Variants in NBAS observed in about 807,000 individuals in gnomAD.
NBAS encodes the protein NAG/BC035112 fusion.
Under a neutral mutation model 302.5 loss-of-function variants are expected in NBAS, and 219 were observed. The ratio of observed to expected loss-of-function variants is 0.72; its 90% confidence interval spans 0.65 to 0.81. The LOEUF is 0.81. Ranked by LOEUF, NBAS falls within the 30% of genes least tolerant of loss-of-function variation. NBAS has a pLI of 0.00. For synonymous variants in NBAS, 1,118 were observed against 1,021.6 expected (o/e 1.09, Z -1.80); for missense variants, 2,932 against 2,841.6 (o/e 1.03, Z -0.72).
At chr2:14,855,824 C>T in the NBAS span, among the ~76,000 whole-genome samples, 2 of 152,164 alleles carry the variant, frequency 1.3e-5, no homozygotes, top group African/African-American at 2.4e-5. Flanking sequence ...CTTCTGGACC[C>T]ACTTAGGGCT....
chr2:14,953,452 G>C, the NBAS span, among the ~76,000 whole-genome samples: 4 of 152,216 alleles, frequency 2.6e-5, no homozygotes, highest in African/African-American at 9.6e-5. Context: ...CTCAGCAGCA[G>C]TCTTCACAAT....
At chr2:15,305,582 G>T (rs905482083) in intron 40 of NBAS, among the ~76,000 whole-genome samples, 8 of 151,542 alleles carry the variant, frequency 5.3e-5, no homozygotes, top group Non-Finnish European at 1.0e-4. Context: ...CTCCCCAGTA[G>T]TTGGGATTAC....
rs770423496 is a variant in NBAS, at chr2:15,379,837, A to T, written c.3361-6T>A. On this transcript the variant is annotated splice_region_variant and splice_polypyrimidine_tract_variant and intron_variant, in intron 29 of 51. Transcript: ENST00000281513. ...AGAAGGCTTTCTGTAAATATCTGGA[A>T]AAAAGGAGAAACTGGAATTAGTTAT... The T allele has an allele frequency of 6.8e-6, 11 of 1,610,658 alleles. No individual in the cohort carries two copies. Among genetic ancestry groups the T allele is most frequent in the Middle Eastern group, 1.7e-4 (1 of 6,058 alleles).
At chr2:14,786,288 A>AT in the NBAS span, among the ~76,000 whole-genome samples, 1 of 151,768 alleles carries the variant, frequency 6.6e-6, no homozygotes. Flanking sequence ...GGATTCATTG[A>AT]TTTTTTGAAG....
At chr2:15,551,063 G>A (rs557869993) in intron 6 of NBAS, among the ~76,000 whole-genome samples, 3 of 152,124 alleles carry the variant, frequency 2.0e-5, no homozygotes, top group Non-Finnish European at 4.4e-5. Context: ...AGGTCTTTTT[G>A]CTCACAATCA....
the NBAS span, among the ~76,000 whole-genome samples, chr2:15,014,926 T>C: frequency 1.3e-5 from 2 of 151,502 alleles, no homozygotes; most frequent in Non-Finnish European, 1.5e-5. Flanking sequence ...ACCCAAATAA[T>C]AAAATCAGAA....
chr2:15,432,501 T>G (rs1050510272), intron 21 of NBAS, among the ~76,000 whole-genome samples: 3 of 152,150 alleles, frequency 2.0e-5, no homozygotes, highest in Non-Finnish European at 4.4e-5. Context: ...CACCAATTAT[T>G]TCTCAAACTA....
chr2:15,011,085 G>A, the NBAS span, among the ~76,000 whole-genome samples: 671 of 152,238 alleles, frequency 4.4e-3, 4 homozygotes, highest in Non-Finnish European at 8.1e-3. Flanking sequence ...GTATTGTGGG[G>A]CCTAAGCATT....
chr2:15,225,191 T>C (rs571638045), intron 47 of NBAS, among the ~76,000 whole-genome samples: 10 of 152,344 alleles, frequency 6.6e-5, no homozygotes, highest in African/African-American at 2.2e-4. Flanking sequence ...TGGAGAACTG[T>C]AGGCATAATT....
chr2:15,256,446 G>A (rs113227632), intron 44 of NBAS, among the ~76,000 whole-genome samples: 4,123 of 152,226 alleles, frequency 0.027, 202 homozygotes, highest in African/African-American at 0.094. Context: ...AAGCTTTTTG[G>A]ATGAGTCGTT....
intron 50 of NBAS, 21 bp from the exon 51 acceptor site, chr2:15,179,137 TGAGCGAGA>T: frequency 6.2e-7 from 1 of 1,613,740 alleles, no homozygotes; most frequent in Non-Finnish European, 8.5e-7. Context: ...AGAGCAGGGG[TGAGCGAGA>T]ACTCCACGAC....
At chr2:15,399,433 T>C (rs1360302524) in intron 26 of NBAS, among the ~76,000 whole-genome samples, 1 of 152,122 alleles carries the variant, frequency 6.6e-6, no homozygotes, top group Non-Finnish European at 1.5e-5. Context: ...GGAACAACAG[T>C]TTGCTACAAA....
intron 49 of NBAS, among the ~76,000 whole-genome samples, chr2:15,187,771 T>G (rs1665157748): frequency 6.6e-6 from 1 of 152,186 alleles, no homozygotes; most frequent in Admixed American, 6.5e-5. Context: ...TTCTAGACAT[T>G]GAACAACCAG....
rs746384730 is a variant in NBAS at position 15,328,283 on chromosome 2, G to C, written c.4377C>G (p.Ile1459Met). Residue 1459 changes from isoleucine (I) to methionine (M), a missense_variant, in exon 37 of 52, where the codon ATC becomes ATG. By Grantham distance (10) the Ile-to-Met change is conservative. Transcript: ENST00000281513. ...QGQKCGGAYQ[I>M]GTTANEDLEK... The stretch of plus-strand genomic sequence containing the variant: ...CTAGATCTTCATTGGCTGTAGTTCC[G>C]ATTTGATATGCACCACCACATTTTT... 1 of 1,613,786 alleles carries C rather than the reference G, an allele frequency of 6.2e-7. No individual in the cohort carries two copies. The highest frequency in any genetic ancestry group is 1.7e-5 in the Admixed American group (1 of 59,988).
At chr2:15,013,614 C>T in the NBAS span, among the ~76,000 whole-genome samples, 1 of 151,918 alleles carries the variant, frequency 6.6e-6, no homozygotes, top group Non-Finnish European at 1.5e-5. Context: ...TGGACCCTGT[C>T]TCTACTAAAA....
chr2:14,852,441 C>G, the NBAS span, among the ~76,000 whole-genome samples: 2 of 95,680 alleles, frequency 2.1e-5, no homozygotes, highest in Middle Eastern at 4.5e-3. Context: ...AGGATACAAA[C>G]AAATGGAAGA....
At chr2:15,104,798 C>G in the NBAS span, among the ~76,000 whole-genome samples, 1 of 152,110 alleles carries the variant, frequency 6.6e-6, no homozygotes, top group Non-Finnish European at 1.5e-5. Flanking sequence ...TCTCTAATGA[C>G]CAGTGACGAT....
intron 21 of NBAS, among the ~76,000 whole-genome samples, chr2:15,432,159 A>G (rs1410421887): frequency 6.6e-6 from 1 of 151,884 alleles, no homozygotes; most frequent in African/African-American, 2.4e-5. Context: ...TAAAACTTAC[A>G]CCTTGAATCT....
intron 49 of NBAS, among the ~76,000 whole-genome samples, chr2:15,189,733 T>G (rs1665257417): frequency 6.6e-6 from 1 of 152,126 alleles, no homozygotes; most frequent in African/African-American, 2.4e-5. Context: ...CAGCAGTTGG[T>G]TAGAATTCTG....
Sources: allele counts gnomAD v4.1 joint callset (sites outside exome capture counted in the v4.1 genomes callset), GRCh38; gene constraint gnomAD v4.1.1; transcripts MANE v1.5; gene names NCBI Gene and HGNC (gene_info 2026-07-23, HGNC 2026-07-21).